RPRD2: variants seen among roughly 807,000 people sequenced by gnomAD.
RPRD2 encodes the protein regulation of nuclear pre-mRNA domain-containing protein 2.
In RPRD2, 12 loss-of-function variants were observed where a neutral mutation model predicts 104.4. That is an observed-to-expected ratio of 0.11 (90% CI 0.07 to 0.19). RPRD2 has a LOEUF of 0.19. Ranked by LOEUF, RPRD2 falls within the 10% of genes least tolerant of loss-of-function variation. The pLI is 1.00. For missense variants in RPRD2, 1,543 were observed against 1,790.1 expected, an observed-to-expected ratio of 0.86 and a Z score of 2.49; for synonymous variants, 714 against 684.9, an observed-to-expected ratio of 1.04 and a Z score of -0.66.
intron 2 of RPRD2, among the ~76,000 whole-genome samples, chr1:150,431,063 A>C (rs915496044): frequency 6.6e-6 from 1 of 152,236 alleles, no homozygotes; most frequent in African/African-American, 2.4e-5. Context: ...TGAAATTATA[A>C]AACAAGCAGT....
intron 1 of RPRD2, among the ~76,000 whole-genome samples, chr1:150,389,469 T>C (rs1025254410): frequency 2.0e-5 from 3 of 152,196 alleles, no homozygotes; most frequent in Non-Finnish European, 4.4e-5. Flanking sequence ...TATTGTTTCT[T>C]TGGAGGAAGA....
rs372508410 is a variant in RPRD2 at position 150,376,667 on chromosome 1, AT to A, written c.205+11754del. On this transcript the variant is annotated intron_variant, in intron 1 of 10. Coordinates refer to ENST00000369068, the MANE Select transcript of RPRD2 (RefSeq NM_015203.5). ...AGGCGCCCGCCACCACGCCCGGCTG[AT>A]TTTTTGTATTTTTAGTAGAGAAGGG... Among the ~76,000 whole-genome samples the A allele has an allele frequency of 1.3e-4, 19 of 151,448 alleles. 1 individual carries two copies. In the South Asian group the frequency reaches 3.8e-3, roughly 30 times the overall value.
chr1:150,445,723 G>T (rs1375146536), intron 6 of RPRD2, among the ~76,000 whole-genome samples: 3 of 152,122 alleles, frequency 2.0e-5, no homozygotes, highest in Admixed American at 1.3e-4. Flanking sequence ...GTTCTGTAAA[G>T]AATTTTAATA....
chr1:150,436,327 C>T (rs191562226), intron 2 of RPRD2, among the ~76,000 whole-genome samples: 1 of 152,266 alleles, frequency 6.6e-6, no homozygotes, highest in East Asian at 1.9e-4. Flanking sequence ...ACCGGCCGGG[C>T]ATGGTGGCTC....
In RPRD2 at chr1:150,472,457, G is replaced by A. The variant is rs1399285670; in HGVS notation, c.3509G>A (p.Arg1170Gln). 8.1e-6 allele frequency: 13 copies of A among 1,613,798 alleles called. No individual in the cohort carries two copies. Among genetic ancestry groups the A allele is most frequent in the African/African-American group, 1.3e-5 (1 of 74,892 alleles). ...TGFKTAPYKE[R>Q]APQFQESVGS... ...TTTAAAACAGCACCATACAAGGAAC[G>A]GGCACCTCAATTTCAGGAGAGTGTC... The change falls in exon 11 of 11, where the codon CGG (arginine) becomes CAG (glutamine). Residue 1170 changes from arginine (R) to glutamine (Q), a missense_variant. Around this residue, in one of 4 missense-constraint regions of RPRD2, gnomAD observed 880 missense variants for 885.6 expected, o/e 0.99. Coordinates refer to ENST00000369068, the MANE Select transcript of RPRD2 (RefSeq NM_015203.5).
chr1:150,369,946 A>C (rs1660175936), intron 1 of RPRD2, among the ~76,000 whole-genome samples: 1 of 150,740 alleles, frequency 6.6e-6, no homozygotes, highest in South Asian at 2.1e-4. Context: ...ACGCCCAACT[A>C]ATTTTTGTAT....
Position 150,460,101 on chromosome 1 carries a change from T to C in RPRD2, c.1195T>C (p.Ser399Pro). 1.2e-6 allele frequency: 2 copies of C among 1,613,924 alleles called. No individual in the cohort carries two copies. The highest frequency in any genetic ancestry group is 1.6e-4 in the Middle Eastern group (1 of 6,062). ...AAAACCTGCAGAGAAGTCAGCTGTA[T>C]CCACTTCTGTACCTACAAAGCCAAC... Reference protein sequence around the residue: ...KEKPAEKSAVSTSVPTKPTEN... With the variant: ...KEKPAEKSAVPTSVPTKPTEN... The change falls in exon 9 of 11, where the codon TCC (serine) becomes CCC (proline). Residue 399 changes from serine to proline, a missense_variant. Ser to Pro is a moderately conservative substitution (Grantham distance 74). Coordinates refer to ENST00000369068, the MANE Select transcript of RPRD2 (RefSeq NM_015203.5).
intron 1 of RPRD2, among the ~76,000 whole-genome samples, chr1:150,384,229 A>C (rs782483835): frequency 5.3e-5 from 8 of 152,062 alleles, no homozygotes; most frequent in Non-Finnish European, 8.8e-5. Context: ...TTTCTGGGAA[A>C]ATCCTAGTTG....
chr1:150,415,352 A>G (rs1553888376), intron 1 of RPRD2, among the ~76,000 whole-genome samples: 1 of 147,454 alleles, frequency 6.8e-6, no homozygotes, highest in Non-Finnish European at 1.5e-5. Flanking sequence ...ATAATAATTA[A>G]TAAGTAAATA....
At chr1:150,411,758 T>G in intron 1 of RPRD2, among the ~76,000 whole-genome samples, 1 of 112,348 alleles carries the variant, frequency 8.9e-6, no homozygotes, top group South Asian at 2.7e-4. Flanking sequence ...GCCACTGCAC[T>G]CTAGCCTGGA....
At chr1:150,405,812 C>T (rs1315151395) in intron 1 of RPRD2, among the ~76,000 whole-genome samples, 1 of 152,324 alleles carries the variant, frequency 6.6e-6, no homozygotes, top group East Asian at 1.9e-4. Flanking sequence ...GGAATCCTCT[C>T]TTTGTCCTTT....
intron 1 of RPRD2, among the ~76,000 whole-genome samples, chr1:150,384,683 T>TG (rs1560155301): frequency 0.11 from 12,723 of 117,024 alleles, 647 homozygotes; most frequent in South Asian, 0.14. Context: ...GTGTGTGTGT[T>TG]TTTAGTAGAG....
chr1:150,470,830 T>G lies in RPRD2; in HGVS notation c.1882T>G (p.Ser628Ala). The G allele has an allele frequency of 6.2e-7, 1 of 1,613,916 alleles. No individual in the cohort carries two copies. Among genetic ancestry groups the G allele is most frequent in the African/African-American group, 1.3e-5 (1 of 75,040 alleles). ...CACTACTTTTAAACTACCTTCCAAC[T>G]CTTTGGGGTTTACAGCTACCCACAA... is the stretch of plus-strand genomic sequence containing the variant. Reference protein sequence around the residue: ...PSTTFKLPSNSLGFTATHNTS... With the variant: ...PSTTFKLPSNALGFTATHNTS... Residue 628 changes from serine to alanine, a missense_variant, in exon 11 of 11, where the codon TCT becomes GCT. By Grantham distance (99) the Ser-to-Ala change is moderately conservative (BLOSUM62 1). Around this residue, in one of 4 missense-constraint regions of RPRD2, gnomAD observed 572 missense variants for 787.3 expected, o/e 0.73. Transcript: ENST00000369068.
chr1:150,473,341 CCAAGGGAAAGG>C lies in RPRD2; in HGVS notation c.*10_*20del. The C allele has an allele frequency of 6.3e-7, 1 of 1,599,658 alleles. No individual in the cohort carries two copies. Among genetic ancestry groups the C allele is most frequent in the Non-Finnish European group, 8.5e-7 (1 of 1,173,470 alleles). On this transcript the variant is annotated 3_prime_UTR_variant, in exon 11 of 11. Coordinates refer to ENST00000369068, the MANE Select transcript of RPRD2 (RefSeq NM_015203.5). ...CTTCCCTCCCAGGTACTGATGGAAA[CCAAGGGAAAGG>C]CATTTTGAACAGTCTAGAGAACATT...
chr1:150,415,049 G>A (rs1664231252), intron 1 of RPRD2, among the ~76,000 whole-genome samples: 1 of 152,150 alleles, frequency 6.6e-6, no homozygotes, highest in Non-Finnish European at 1.5e-5. Context: ...AAGAGGTCGG[G>A]TGCGGTGGCT....
At chr1:150,365,432 G>A (rs1659760991) in intron 1 of RPRD2, among the ~76,000 whole-genome samples, 1 of 152,186 alleles carries the variant, frequency 6.6e-6, no homozygotes, top group East Asian at 1.9e-4. Flanking sequence ...TGAATGTTAA[G>A]AAGCAGCATG....
chr1:150,426,131 C>T (rs1445926638), intron 2 of RPRD2, among the ~76,000 whole-genome samples: 2 of 152,108 alleles, frequency 1.3e-5, no homozygotes, highest in African/African-American at 4.8e-5. Context: ...AAAGGGATGC[C>T]ACTTAAAGCC....
chr1:150,418,446 T>C (rs1553889016), intron 2 of RPRD2, among the ~76,000 whole-genome samples: 1 of 152,194 alleles, frequency 6.6e-6, no homozygotes, highest in East Asian at 1.9e-4. Flanking sequence ...TTACTGAAAT[T>C]TTTTTCCCTC....
chr1:150,440,845 T>C, intron 2 of RPRD2, 78 bp from the exon 3 acceptor site: 1 of 725,558 alleles, frequency 1.4e-6, no homozygotes, highest in Non-Finnish European at 2.3e-6. Flanking sequence ...ATTTTATTGA[T>C]AACTTTATTT....
Sources: gnomAD v4.1 joint callset for allele counts (sites outside exome capture counted in the v4.1 genomes callset) on GRCh38, gnomAD v4.1.1 for gene constraint, gnomAD v4.1.1 regional missense constraint, MANE v1.5 for transcripts, NCBI Gene and HGNC (gene_info 2026-07-23, HGNC 2026-07-21) for gene names.